CLSTN2: variants seen among roughly 807,000 people sequenced by gnomAD.
CLSTN2 encodes the protein calsyntenin 2, also known as calsyntenin-2.
CLSTN2 carries 48 observed loss-of-function variants against 101.2 expected under a neutral mutation model. The observed-to-expected ratio is 0.47, with a 90% CI of 0.38 to 0.60. The LOEUF is 0.60. CLSTN2 is among the 20% of genes least tolerant of loss of function. The pLI, the probability that CLSTN2 is intolerant of heterozygous loss-of-function variation, is 0.00. For missense variants in CLSTN2, 1,160 were observed against 1,238.2 expected, an observed-to-expected ratio of 0.94 and a Z score of 0.95; for synonymous variants, 481 against 463.6, an observed-to-expected ratio of 1.04 and a Z score of -0.48.
intron 8 of CLSTN2, among the ~76,000 whole-genome samples, chr3:140,490,143 CACACACACACA>C (rs1934325415): frequency 9.0e-6 from 1 of 111,372 alleles, no homozygotes; most frequent in Non-Finnish European, 1.7e-5. Flanking sequence ...CACACACACA[CACACACACACA>C]CACACACATA....
intron 4 of CLSTN2, among the ~76,000 whole-genome samples, chr3:140,419,550 C>T (rs538413683): frequency 2.1e-5 from 1 of 47,962 alleles, no homozygotes; most frequent in Non-Finnish European, 3.2e-5. Flanking sequence ...TACATATATA[C>T]GTGTACGTAT....
intron 1 of CLSTN2, among the ~76,000 whole-genome samples, chr3:139,942,786 C>T (rs763548298): frequency 7.9e-5 from 12 of 152,144 alleles, no homozygotes; most frequent in East Asian, 3.9e-4. Context: ...CCAGCACCAG[C>T]GAGCCAGTGT....
chr3:140,178,379 C>T (rs1014516879), intron 2 of CLSTN2, among the ~76,000 whole-genome samples: 1 of 152,106 alleles, frequency 6.6e-6, no homozygotes, highest in African/African-American at 2.4e-5. Flanking sequence ...AGTCAGAAAC[C>T]CACCAAATGC....
intron 8 of CLSTN2, 42 bp downstream of exon 8, chr3:140,466,773 C>CG (rs1256287570): frequency 6.2e-7 from 1 of 1,611,326 alleles, no homozygotes; most frequent in African/African-American, 1.3e-5. Context: ...CATGCCTCTG[C>CG]GGGGGTGGCC....
At chr3:140,110,010 A>G (rs1378971942) in intron 1 of CLSTN2, among the ~76,000 whole-genome samples, 2 of 152,208 alleles carry the variant, frequency 1.3e-5, no homozygotes, top group African/African-American at 4.8e-5. Context: ...TCCCAGGACC[A>G]TAAATCTCAG....
chr3:139,947,016 T>C (rs1935226243), intron 1 of CLSTN2, among the ~76,000 whole-genome samples: 1 of 152,236 alleles, frequency 6.6e-6, no homozygotes, highest in Admixed American at 6.5e-5. Context: ...TTTCTGCTCC[T>C]TAAAGTTCTG....
chr3:140,105,622 A>G (rs2009043289), intron 1 of CLSTN2, among the ~76,000 whole-genome samples: 2 of 152,208 alleles, frequency 1.3e-5, no homozygotes, highest in South Asian at 4.1e-4. Flanking sequence ...GGCTCCTTCC[A>G]TGATGCAGAC....
At chr3:140,060,132 A>T (rs1218337048) in intron 1 of CLSTN2, among the ~76,000 whole-genome samples, 1 of 152,236 alleles carries the variant, frequency 6.6e-6, no homozygotes, top group East Asian at 1.9e-4. Context: ...CCTGGCATAT[A>T]GGAAGAGTTC....
chr3:140,389,716 T>G (rs1006724098), intron 2 of CLSTN2, among the ~76,000 whole-genome samples: 1 of 152,228 alleles, frequency 6.6e-6, no homozygotes, highest in African/African-American at 2.4e-5. Flanking sequence ...CACACTGTCT[T>G]CCACAGTGGT....
At chr3:140,310,554 C>T (rs565698562) in intron 2 of CLSTN2, among the ~76,000 whole-genome samples, 2 of 152,258 alleles carry the variant, frequency 1.3e-5, no homozygotes, top group African/African-American at 4.8e-5. Context: ...TTCTGGGCTG[C>T]GTAGTGCCCT....
chr3:140,455,576 C>G (rs1933379251), intron 6 of CLSTN2, among the ~76,000 whole-genome samples: 1 of 152,172 alleles, frequency 6.6e-6, no homozygotes, highest in Non-Finnish European at 1.5e-5. Flanking sequence ...CCCCAGCACT[C>G]AAGCTGCAGC....
At chr3:139,960,924 A>G (rs1176308913) in intron 1 of CLSTN2, among the ~76,000 whole-genome samples, 1 of 152,238 alleles carries the variant, frequency 6.6e-6, no homozygotes, top group Non-Finnish European at 1.5e-5. Context: ...ACTGAAGATT[A>G]TCTTGGATGT....
At chr3:140,410,660 A>G (rs954205376) in intron 4 of CLSTN2, among the ~76,000 whole-genome samples, 1 of 152,290 alleles carries the variant, frequency 6.6e-6, no homozygotes, top group East Asian at 1.9e-4. Context: ...CAAATTCAAA[A>G]TATTCAAATA....
intron 8 of CLSTN2, among the ~76,000 whole-genome samples, chr3:140,527,297 G>A (rs1576612614): frequency 6.6e-6 from 1 of 152,142 alleles, no homozygotes; most frequent in East Asian, 1.9e-4. Context: ...AAAAGAAGAT[G>A]TAAAATTGGC....
At chr3:140,547,983 A>G (rs16850491) in intron 10 of CLSTN2, among the ~76,000 whole-genome samples, 39,173 of 152,060 alleles carry the variant, frequency 0.26, 6,578 homozygotes, top group African/African-American at 0.48. Flanking sequence ...CTGGCCTAAC[A>G]TCCTTGACCC....
At chr3:140,148,459 C>T (rs2009814482) in intron 1 of CLSTN2, among the ~76,000 whole-genome samples, 1 of 152,178 alleles carries the variant, frequency 6.6e-6, no homozygotes, top group South Asian at 2.1e-4. Flanking sequence ...CTGGCATATT[C>T]CCTATCATGG....
chr3:140,021,521 C>T (rs987345725), intron 1 of CLSTN2, among the ~76,000 whole-genome samples: 1 of 152,096 alleles, frequency 6.6e-6, no homozygotes, highest in Non-Finnish European at 1.5e-5. Flanking sequence ...GAGTTAGAAC[C>T]ACCGGTGTGT....
At chr3:140,090,540 T>G (rs778156552) in intron 1 of CLSTN2, among the ~76,000 whole-genome samples, 4 of 152,086 alleles carry the variant, frequency 2.6e-5, no homozygotes, top group African/African-American at 4.8e-5. Context: ...GTCAGTTGCT[T>G]AATGCTGTCT....
At chr3:140,131,861 C>A (rs542290531) in intron 1 of CLSTN2, among the ~76,000 whole-genome samples, 1 of 151,868 alleles carries the variant, frequency 6.6e-6, no homozygotes, top group East Asian at 1.9e-4. Flanking sequence ...GCACCGAGAG[C>A]GGGCTAAAAC....
Sources: allele counts gnomAD v4.1 joint callset (sites outside exome capture counted in the v4.1 genomes callset), GRCh38; gene constraint gnomAD v4.1.1; transcripts MANE v1.5; gene names NCBI Gene and HGNC (gene_info 2026-07-23, HGNC 2026-07-21).